CST9: variants seen among roughly 807,000 people sequenced by gnomAD.
The protein encoded by CST9 is cystatin 9, also known as cystatin-9.
In CST9, 11 loss-of-function variants were observed where a neutral mutation model predicts 7.7. The ratio of observed to expected loss-of-function variants is 1.44; its 90% CI spans 0.90 to 2.38. The LOEUF is 2.38. Among genes scored for constraint, CST9 ranks in the 30% most tolerant of loss-of-function variants. The probability of loss-of-function intolerance (pLI) is 0.00; values close to 1 mark genes in which losing one functional copy is unlikely to be tolerated. For synonymous variants in CST9, 71 were observed against 74.3 expected, an observed-to-expected ratio of 0.96 and a Z score of 0.23; for missense variants, 214 against 199.1, an observed-to-expected ratio of 1.07 and a Z score of -0.45.
intron 1 of CST9, among the ~76,000 whole-genome samples, chr20:23,604,508 A>C (rs562752466): frequency 6.6e-6 from 1 of 152,336 alleles, no homozygotes; most frequent in Admixed American, 6.5e-5. Flanking sequence ...ATGGAGGCTT[A>C]CACTGAGGTC....
In CST9 at chr20:23,603,210, G is replaced by T; in HGVS notation, c.*300C>A. On this transcript the variant is annotated 3_prime_UTR_variant, in exon 2 of 2. Coordinates refer to ENST00000376971, the MANE Select transcript of CST9 (RefSeq NM_001008693.3). ...GCGAGGGCAGTGGGGCTTCTTCTCA[G>T]CCTCCACCACTTTTGGGTCTAGGGC... The T allele has an allele frequency of 8.0e-7, 1 of 1,246,054 alleles. No individual in the cohort carries two copies. The highest frequency in any genetic ancestry group is 1.0e-6 in the Non-Finnish European group (1 of 987,986). The allele number at this position is 1,246,054 out of a possible 1,614,324, so 77.2% of individuals were successfully genotyped here.
At chr20:23,605,511 A>C in intron 1 of CST9, 99 bp downstream of exon 1, 1 of 1,347,388 alleles carries the variant, frequency 7.4e-7, no homozygotes, top group South Asian at 1.4e-5. Flanking sequence ...CTGACTATGG[A>C]CTGCTGATGG....
rs536907849 is a variant in CST9 at position 23,602,957 on chromosome 20, C to G, written c.*553G>C. ...TTGTGCCATGCCTCCTCCTCCAGCC[C>G]GTGCCCCTCAGGGGAACCCCAGGCT... On this transcript the variant is annotated 3_prime_UTR_variant, in exon 2 of 2. Coordinates refer to ENST00000376971, the MANE Select transcript of CST9 (RefSeq NM_001008693.3). 4.0e-6 allele frequency: 4 copies of G among 989,668 alleles called. No individual in the cohort carries two copies. The African/African-American group carries it at 7.0e-5, about 17-fold the overall frequency. 61.3% of individuals were successfully genotyped at this position (989,668 alleles called of 1,614,324 possible).
Position 23,603,261 on chromosome 20 carries a change from A to G in CST9, c.*249T>C, listed in dbSNP as rs961210920. On this transcript the variant is annotated 3_prime_UTR_variant, in exon 2 of 2. Coordinates refer to ENST00000376971, the MANE Select transcript of CST9 (RefSeq NM_001008693.3). ...AGGGTAGGGAAACCCTGAGAAAAGT[A>G]CCCACAGACATTGTCACCATTGTCT... is the stretch of plus-strand genomic sequence containing the variant. The G allele has an allele frequency of 2.8e-5, 38 of 1,368,710 alleles. No individual in the cohort carries two copies. The highest frequency in any genetic ancestry group is 3.2e-5 in the Non-Finnish European group (34 of 1,059,778). 84.8% of individuals were successfully genotyped at this position (1,368,710 alleles called of 1,614,324 possible).
At position 23,603,291 on chromosome 20, in the gene CST9, GCT is replaced by G; in HGVS notation, c.*217_*218del. On this transcript the variant is annotated 3_prime_UTR_variant, in exon 2 of 2. Coordinates refer to ENST00000376971, the MANE Select transcript of CST9 (RefSeq NM_001008693.3). Reference sequence around the variant, plus strand: ...CAGACATTGTCACCATTGTCTCCAGGCTCTTTCTCTAGAAGGCAGGGAAGAAG... The same window carrying G: ...CAGACATTGTCACCATTGTCTCCAGGCTTTCTCTAGAAGGCAGGGAAGAAG... 1 of 1,416,616 alleles carries G rather than the reference GCT, an allele frequency of 7.1e-7. No homozygotes were observed. Among genetic ancestry groups the G allele is most frequent in the Non-Finnish European group, 9.2e-7 (1 of 1,089,008 alleles). The allele number at this position is 1,416,616 out of a possible 1,614,324, so 87.8% of individuals were successfully genotyped here. A position where few individuals can be genotyped will look rare whatever the true frequency, so the allele number is the denominator to read the frequency against.
rs142292569 is a variant in CST9, at chr20:23,605,842, T to C, written c.23A>G (p.Lys8Arg). The change falls in exon 1 of 2, where the codon AAG (lysine) becomes AGG (arginine). Residue 8 changes from lysine to arginine, a missense_variant. Transcript: ENST00000376971. MSSPQRR[K>R]AMPWALSLLL... ...CAGTGACAGTGCCCAGGGCATAGCC[T>C]TCCTCCTCTGCGGACTCGACATGAT... is the stretch of plus-strand genomic sequence containing the variant. The C allele has an allele frequency of 1.9e-6, 3 of 1,614,064 alleles. No homozygotes were observed. In the African/African-American group the frequency reaches 4.0e-5, roughly 22 times the overall value.
chr20:23,603,376 T>C lies in CST9; in HGVS notation c.*134A>G. On this transcript the variant is annotated 3_prime_UTR_variant, in exon 2 of 2. Transcript: ENST00000376971. ...GCCATGTGGCCCAGGTGCAGGCAGC[T>C]GCAATGGTGTCAGAGGGCAGAATCA... 6.9e-7 allele frequency: 1 copy of C among 1,455,756 alleles called. No individual in the cohort carries two copies. The allele number at this position is 1,455,756 out of a possible 1,614,324, so 90.2% of individuals were successfully genotyped here. A position where few individuals can be genotyped will look rare whatever the true frequency, so the allele number is the denominator to read the frequency against.
At position 23,605,664 on chromosome 20, in the gene CST9, G is replaced by A; in HGVS notation, c.201C>T (p.Ala67=). ...AACTCAGGACGCGCAACAGCCTGTAGGCATGCTCCTCCTTGCTCTGCACGT... is the reference window on the plus strand; with the variant it reads ...AACTCAGGACGCGCAACAGCCTGTAAGCATGCTCCTCCTTGCTCTGCACGT... ...TFNVQSKEEH[A]YRLLRVLSSW... is the part of the protein sequence containing the mutation. The change falls in exon 1 of 2, where the codon GCC becomes GCT. Residue 67 remains alanine (A), a synonymous_variant. Coordinates refer to ENST00000376971, the MANE Select transcript of CST9 (RefSeq NM_001008693.3). 6.2e-7 allele frequency: 1 copy of A among 1,614,146 alleles called. No homozygotes were observed. Among genetic ancestry groups the A allele is most frequent in the Non-Finnish European group, 8.5e-7 (1 of 1,180,032 alleles).
chr20:23,603,835 C>T (rs1978688961), intron 1 of CST9, 101 bp from the exon 2 acceptor site: 1 of 1,245,174 alleles, frequency 8.0e-7, no homozygotes, highest in Non-Finnish European at 1.1e-6. Context: ...CAACACTTTA[C>T]TGCATTTGAG....
chr20:23,605,714 C>T lies in CST9; in HGVS notation c.151G>A (p.Val51Met). The change falls in exon 1 of 2, where the codon GTG becomes ATG. Residue 51 changes from valine (V) to methionine (M), a missense_variant. Transcript: ENST00000376971. ...TTGAAAGTGTTCAAGGCAAACTCCA[C>T]TGTGGCGAGGAACATAGGATCCTGG... ...IVQDPMFLAT[V>M]EFALNTFNVQ... 3 of 1,614,232 alleles carry T rather than the reference C, an allele frequency of 1.9e-6. No individual in the cohort carries two copies. Among genetic ancestry groups the T allele is most frequent in the Non-Finnish European group, 1.7e-6 (2 of 1,180,042 alleles).
At position 23,603,484 on chromosome 20, in the gene CST9, G is replaced by GCAGCCTGGTA. The variant is rs747635704; in HGVS notation, c.*16_*25dup. 9 of 1,611,804 alleles carry GCAGCCTGGTA rather than the reference G, an allele frequency of 5.6e-6. No individual in the cohort carries two copies. The highest frequency in any genetic ancestry group is 7.6e-6 in the Non-Finnish European group (9 of 1,178,822). ...GGCTTCCCACTAAGGCACAAGCAGG[G>GCAGCCTGGTA]CAGCCTGGTACAGCCTGCTGTGGGC... On this transcript the variant is annotated 3_prime_UTR_variant, in exon 2 of 2. Coordinates refer to ENST00000376971, the MANE Select transcript of CST9 (RefSeq NM_001008693.3).
At position 23,603,658 on chromosome 20, in the gene CST9, T is replaced by C. The variant is rs759268299; in HGVS notation, c.332A>G (p.Asp111Gly). Reference sequence around the variant, plus strand: ...CAGGCTTTCTTGAAAAGGGCAGTTGTCAATGTCATCTTCAAATTTCCTACA... The same window carrying C: ...CAGGCTTTCTTGAAAAGGGCAGTTGCCAATGTCATCTTCAAATTTCCTACA... The part of the protein sequence containing the change: ...TVCRKFEDDI[D>G]NCPFQESLEL... The change falls in exon 2 of 2, where the codon GAC becomes GGC. Residue 111 changes from aspartate (D) to glycine (G), a missense_variant. Physicochemically the swap from Asp to Gly is moderately conservative, Grantham distance 94 (BLOSUM62 -1). Transcript: ENST00000376971. 9.3e-6 allele frequency: 15 copies of C among 1,614,234 alleles called. No homozygotes were observed. The East Asian group carries it at 1.8e-4, about 19-fold the overall frequency.
rs1014048842 is a variant in CST9 at position 23,603,456 on chromosome 20, C to T, written c.*54G>A. On this transcript the variant is annotated 3_prime_UTR_variant, in exon 2 of 2. Coordinates refer to ENST00000376971, the MANE Select transcript of CST9 (RefSeq NM_001008693.3). ...GTGAACCCCTGGGCTTAATGCCTCACTGGGCTTCCCACTAAGGCACAAGCA... is the reference window on the plus strand; with the variant it reads ...GTGAACCCCTGGGCTTAATGCCTCATTGGGCTTCCCACTAAGGCACAAGCA... 1.1e-5 allele frequency: 17 copies of T among 1,590,628 alleles called. No individual in the cohort carries two copies. Among genetic ancestry groups the T allele is most frequent in the Admixed American group, 1.8e-5 (1 of 56,366 alleles).
At chr20:23,604,859 A>C (rs994070517) in intron 1 of CST9, among the ~76,000 whole-genome samples, 3 of 152,226 alleles carry the variant, frequency 2.0e-5, no homozygotes, top group African/African-American at 7.2e-5. Context: ...CTTGGTGCTG[A>C]GAAAGGAAGA....
chr20:23,604,713 A>T (rs1978713469), intron 1 of CST9, among the ~76,000 whole-genome samples: 1 of 152,186 alleles, frequency 6.6e-6, no homozygotes, highest in African/African-American at 2.4e-5. Flanking sequence ...ATTCCTCTGT[A>T]CCAGCATTGG....
chr20:23,604,292 G>C (rs984325291), intron 1 of CST9, among the ~76,000 whole-genome samples: 2 of 152,162 alleles, frequency 1.3e-5, no homozygotes, highest in Non-Finnish European at 2.9e-5. Context: ...AGTGCATGCT[G>C]AAGTTCTCCT....
In CST9 at chr20:23,603,203, C is replaced by A. The variant is rs1869761449; in HGVS notation, c.*307G>T. ...CCTAGGAGCGAGGGCAGTGGGGCTTCTTCTCAGCCTCCACCACTTTTGGGT... is the reference window on the plus strand; with the variant it reads ...CCTAGGAGCGAGGGCAGTGGGGCTTATTCTCAGCCTCCACCACTTTTGGGT... On this transcript the variant is annotated 3_prime_UTR_variant, in exon 2 of 2. Transcript: ENST00000376971. 3 of 1,229,924 alleles carry A rather than the reference C, an allele frequency of 2.4e-6. No individual in the cohort carries two copies. Among genetic ancestry groups the A allele is most frequent in the Non-Finnish European group, 2.0e-6 (2 of 978,622 alleles). The allele number at this position is 1,229,924 out of a possible 1,614,324, so 76.2% of individuals were successfully genotyped here.
At position 23,603,186 on chromosome 20, in the gene CST9, C is replaced by T. The variant is rs569028379; in HGVS notation, c.*324G>A. 5.9e-4 allele frequency: 700 copies of T among 1,192,748 alleles called. 1 individual carries two copies. The Middle Eastern group carries it at 0.011, about 19-fold the overall frequency. The allele number at this position is 1,192,748 out of a possible 1,614,324, so 73.9% of individuals were successfully genotyped here. Reference sequence around the variant, plus strand: ...GCTGCAGCTCAGCAGGGCCTAGGAGCGAGGGCAGTGGGGCTTCTTCTCAGC... The same window carrying T: ...GCTGCAGCTCAGCAGGGCCTAGGAGTGAGGGCAGTGGGGCTTCTTCTCAGC... On this transcript the variant is annotated 3_prime_UTR_variant, in exon 2 of 2. Transcript: ENST00000376971.
chr20:23,605,547 T>G (rs2983639), intron 1 of CST9, 63 bp downstream of exon 1: 1 of 1,567,450 alleles, frequency 6.4e-7, no homozygotes, highest in Non-Finnish European at 8.7e-7. Flanking sequence ...AGACTAGACA[T>G]CTTGGTCCCT....
Sources: gnomAD v4.1 joint callset for allele counts (sites outside exome capture counted in the v4.1 genomes callset) on GRCh38, gnomAD v4.1.1 for gene constraint, MANE v1.5 for transcripts, NCBI Gene and HGNC (gene_info 2026-07-23, HGNC 2026-07-21) for gene names.